The following TET2 variants were observed in gnomAD, a reference collection of about 807,000 sequenced individuals.
TET2 encodes the protein methylcytosine dioxygenase TET2.
A neutral mutation model predicts 142.9 loss-of-function variants in TET2; 299 were observed. That is an observed-to-expected ratio of 2.09 (90% CI 1.90 to 2.30). The LOEUF is 2.30. Ranked by LOEUF, TET2 falls within the 30% of genes most tolerant of loss-of-function variation. The pLI is 0.00. For synonymous variants in TET2, 819 were observed against 849.0 expected, an observed-to-expected ratio of 0.96 and a Z score of 0.61; for missense variants, 2,418 against 2,378.0, an observed-to-expected ratio of 1.02 and a Z score of -0.35.
At chr4:105,258,152 T>G (rs971202174) in intron 6 of TET2, among the ~76,000 whole-genome samples, 1 of 152,182 alleles carries the variant, frequency 6.6e-6, no homozygotes, top group Non-Finnish European at 1.5e-5. Flanking sequence ...TTTTTTTCCC[T>G]TGAACAAATT....
chr4:105,214,291 C>T (rs533390112), intron 2 of TET2, among the ~76,000 whole-genome samples: 2 of 145,526 alleles, frequency 1.4e-5, no homozygotes, highest in South Asian at 4.4e-4. Flanking sequence ...TCACTTGTCC[C>T]CCGAGGGAGA....
intron 9 of TET2, among the ~76,000 whole-genome samples, chr4:105,271,582 C>T (rs1214297939): frequency 6.6e-6 from 1 of 152,194 alleles, no homozygotes; most frequent in African/African-American, 2.4e-5. Flanking sequence ...GACTTCTGTG[C>T]AGAAAGTGAC....
At chr4:105,260,697 A>G (rs1578718208) in intron 7 of TET2, among the ~76,000 whole-genome samples, 2 of 152,136 alleles carry the variant, frequency 1.3e-5, no homozygotes, top group Admixed American at 1.3e-4. Flanking sequence ...TTCACTTACT[A>G]TTATAGTCAC....
rs1553914849 is a variant in TET2 at position 105,239,074 on chromosome 4, G to GTTTGTTT, written c.3409+1726_3409+1727insGTTTTTT. ...AAAGGAGGTTTTGGTTTTGTTTTTT[G>GTTTGTTT]TTTTTTTTTTTTGTTTTTTAGCAGT... On this transcript the variant is annotated intron_variant, in intron 3 of 10. Transcript: ENST00000380013. 3.5e-3 allele frequency: 733 copies of GTTTGTTT among 211,944 alleles called. 5 individuals are homozygous for GTTTGTTT. Among genetic ancestry groups the GTTTGTTT allele is most frequent in the Non-Finnish European group, 5.1e-3 (515 of 100,694 alleles). The allele number at this position is 211,944 out of a possible 1,614,324, so 13.1% of individuals were successfully genotyped here.
chr4:105,196,050 A>G (rs1486086931), intron 2 of TET2, among the ~76,000 whole-genome samples: 1 of 152,116 alleles, frequency 6.6e-6, no homozygotes, highest in Non-Finnish European at 1.5e-5. Context: ...AACTTCTACC[A>G]TATTTTTCCA....
chr4:105,234,132 C>T lies in TET2; in HGVS notation c.190C>T (p.Pro64Ser), dbSNP rs1474911897. The T allele has an allele frequency of 6.2e-7, 1 of 1,614,142 alleles. No individual in the cohort carries two copies. Among genetic ancestry groups the T allele is most frequent in the Non-Finnish European group, 8.5e-7 (1 of 1,180,004 alleles). Residue 64 changes from proline to serine, a missense_variant, in exon 3 of 11, where the codon CCC (proline) becomes TCC (serine). Physicochemically the swap from Pro to Ser is moderately conservative, Grantham distance 74. Transcript: ENST00000380013. ...WHSFKSYYGI[P>S]CMKGSQNSRV... ...CTCTTTCAAAAGTTATTATGGAATA[C>T]CCTGTATGAAGGGAAGCCAGAATAG...
At chr4:105,229,251 T>C (rs1453463430) in intron 2 of TET2, among the ~76,000 whole-genome samples, 2 of 152,236 alleles carry the variant, frequency 1.3e-5, no homozygotes, top group African/African-American at 4.8e-5. Context: ...TCTTAATGTA[T>C]GGAAGGAAGT....
intron 1 of TET2, among the ~76,000 whole-genome samples, chr4:105,186,397 G>T (rs1725448000): frequency 6.7e-6 from 1 of 149,220 alleles, no homozygotes; most frequent in Non-Finnish European, 1.5e-5. Flanking sequence ...TATCTTCTAA[G>T]TGATTTTTTT....
chr4:105,268,294 A>G (rs1024323839), intron 8 of TET2, among the ~76,000 whole-genome samples: 7 of 152,202 alleles, frequency 4.6e-5, no homozygotes, highest in Non-Finnish European at 8.8e-5. Context: ...AAACCATTAA[A>G]ATAGCATCAA....
chr4:105,202,425 G>C (rs2047408), intron 2 of TET2: 104,208 of 152,014 alleles, frequency 0.69, 36,460 homozygotes, highest in African/African-American at 0.84. Flanking sequence ...CTGGGTTCAC[G>C]CTTCAGGTCC....
At chr4:105,225,005 TAATTA>T (rs1377472750) in intron 2 of TET2, among the ~76,000 whole-genome samples, 1 of 152,164 alleles carries the variant, frequency 6.6e-6, no homozygotes, top group Non-Finnish European at 1.5e-5. Context: ...AATTGTAATT[TAATTA>T]GTCTGTCATT....
chr4:105,227,319 C>A (rs1728248091), intron 2 of TET2, among the ~76,000 whole-genome samples: 1 of 152,062 alleles, frequency 6.6e-6, no homozygotes, highest in Non-Finnish European at 1.5e-5. Context: ...TTTAACAACC[C>A]CAAAAAAGGC....
At chr4:105,170,512 A>G (rs557515321) in intron 1 of TET2, among the ~76,000 whole-genome samples, 2 of 152,266 alleles carry the variant, frequency 1.3e-5, no homozygotes, top group East Asian at 1.9e-4. Flanking sequence ...AAAAATGGCA[A>G]TGAAATAATC....
At chr4:105,227,317 C>A (rs1318268966) in intron 2 of TET2, among the ~76,000 whole-genome samples, 1 of 152,102 alleles carries the variant, frequency 6.6e-6, no homozygotes, top group Non-Finnish European at 1.5e-5. Context: ...AGTTTAACAA[C>A]CCCAAAAAAG....
At chr4:105,232,854 T>A (rs1728584519) in intron 2 of TET2, among the ~76,000 whole-genome samples, 1 of 152,198 alleles carries the variant, frequency 6.6e-6, no homozygotes, top group Admixed American at 6.5e-5. Flanking sequence ...AAGTACACTT[T>A]TCATCACCCC....
intron 1 of TET2, among the ~76,000 whole-genome samples, chr4:105,171,959 C>T (rs1271617475): frequency 6.6e-6 from 1 of 152,088 alleles, no homozygotes; most frequent in Non-Finnish European, 1.5e-5. Context: ...TTTGGTATAG[C>T]AAAAAGTCAA....
chr4:105,276,171 G>A lies in TET2; in HGVS notation c.5661G>A (p.Lys1887=). The change falls in exon 11 of 11, where the codon AAG becomes AAA. Residue 1887 remains lysine, a synonymous_variant. Coordinates refer to ENST00000380013, the MANE Select transcript of TET2 (RefSeq NM_001127208.3). ...KRELHATTPL[K]NPNRNHPTRI... Reference sequence around the variant, plus strand: ...AGCTGCATGCCACAACCCCTTTAAAGAATCCCAATAGGAATCACCCCACCA... The same window carrying A: ...AGCTGCATGCCACAACCCCTTTAAAAAATCCCAATAGGAATCACCCCACCA... The A allele has an allele frequency of 1.3e-6, 2 of 1,551,570 alleles. No homozygotes were observed. The highest frequency in any genetic ancestry group is 1.7e-6 in the Non-Finnish European group (2 of 1,146,964).
chr4:105,231,165 A>G (rs1728485604), intron 2 of TET2, among the ~76,000 whole-genome samples: 1 of 152,166 alleles, frequency 6.6e-6, no homozygotes, highest in Admixed American at 6.5e-5. Context: ...TTTGGCTACT[A>G]GGCCCCATAC....
chr4:105,190,540 A>C, intron 2 of TET2, 35 bp downstream of exon 2: 1 of 696,548 alleles, frequency 1.4e-6, no homozygotes, highest in Non-Finnish European at 2.6e-6. Context: ...CTTGTTTGTC[A>C]AGTATGAATT....
Sources: allele counts gnomAD v4.1 joint callset (sites outside exome capture counted in the v4.1 genomes callset), GRCh38; gene constraint gnomAD v4.1.1; transcripts MANE v1.5; gene names NCBI Gene and HGNC (gene_info 2026-07-23, HGNC 2026-07-21).